Variants in PRDM2 observed in about 807,000 individuals in gnomAD.
The protein encoded by PRDM2 is PR/SET domain 2.
Under a neutral mutation model 130.0 loss-of-function variants are expected in PRDM2, and 30 were observed. The observed-to-expected ratio is 0.23, with a 90% CI of 0.17 to 0.31. PRDM2 has a LOEUF of 0.31. PRDM2 is among the 10% of genes least tolerant of loss of function. The probability of loss-of-function intolerance (pLI) is 1.00; values close to 1 mark genes in which losing one functional copy is unlikely to be tolerated. For synonymous variants in PRDM2, 871 were observed against 782.4 expected (o/e 1.11, Z -1.89); for missense variants, 2,011 against 2,108.4 (o/e 0.95, Z 0.90).
intron 1 of PRDM2, among the ~76,000 whole-genome samples, chr1:13,708,929 ATT>A (rs1642288473): frequency 6.6e-6 from 1 of 152,142 alleles, no homozygotes; most frequent in Admixed American, 6.5e-5. Flanking sequence ...TTTTCACTTT[ATT>A]TAATTTGGTA....
At position 13,798,400 on chromosome 1, in the gene PRDM2, A is replaced by G. The variant is rs146348914; in HGVS notation, c.5036+15569A>G. ...AGAAAAGGCTGGTGATAGCTAATTA[A>G]AATTAGTGTTACTGCCTCTGGGGAT... On this transcript the variant is annotated intron_variant, in intron 8 of 9. Coordinates refer to ENST00000311066, the MANE Select transcript of PRDM2 (RefSeq NM_001393986.1). Among the ~76,000 whole-genome samples, 1,098 of 152,330 alleles carry G rather than the reference A, an allele frequency of 7.2e-3. 2 individuals are homozygous for G. Among genetic ancestry groups the G allele is most frequent in the Non-Finnish European group, 0.012 (785 of 68,030 alleles).
intron 1 of PRDM2, among the ~76,000 whole-genome samples, chr1:13,709,385 T>C (rs975920871): frequency 5.3e-5 from 8 of 152,238 alleles, no homozygotes; most frequent in Non-Finnish European, 8.8e-5. Flanking sequence ...GTGGTAGTTT[T>C]CTATGACAAT....
intron 6 of PRDM2, among the ~76,000 whole-genome samples, chr1:13,763,606 A>G (rs1644155489): frequency 6.6e-6 from 1 of 152,216 alleles, no homozygotes; most frequent in Non-Finnish European, 1.5e-5. Flanking sequence ...GCTTTTTCCA[A>G]ATAGCACTTG....
intron 6 of PRDM2, 32 bp downstream of exon 6, chr1:13,749,519 C>T (rs1251253558): frequency 7.8e-7 from 1 of 1,283,158 alleles, no homozygotes; most frequent in Non-Finnish European, 1.0e-6. Context: ...CGCCCGGCCC[C>T]GGCGCCACGC....
intron 5 of PRDM2, among the ~76,000 whole-genome samples, chr1:13,743,153 G>A (rs1203629): frequency 0.25 from 37,915 of 151,828 alleles, 4,931 homozygotes; most frequent in South Asian, 0.35. Flanking sequence ...TAATCCCAGC[G>A]CTTTGGGAGG....
At position 13,779,282 on chromosome 1, in the gene PRDM2, C is replaced by G; in HGVS notation, c.1487C>G (p.Thr496Ser). 1 of 1,613,914 alleles carries G rather than the reference C, an allele frequency of 6.2e-7. No homozygotes were observed. The highest frequency in any genetic ancestry group is 8.5e-7 in the Non-Finnish European group (1 of 1,179,838). ...TGTAAAAAGGTTTTTGGAACTCATA[C>G]TAATATGAGACGGCATCAGCGTAGA... is the stretch of plus-strand genomic sequence containing the variant. Reference protein sequence around the residue: ...KYCKKVFGTHTNMRRHQRRVH... With the variant: ...KYCKKVFGTHSNMRRHQRRVH... The change falls in exon 8 of 10, where the codon ACT becomes AGT. Residue 496 changes from threonine to serine, a missense_variant. Physicochemically the swap from Thr to Ser is moderately conservative, Grantham distance 58. Coordinates refer to ENST00000311066, the MANE Select transcript of PRDM2 (RefSeq NM_001393986.1). This position sits in a 1 kb window ranked among gnomAD's most constrained non-coding sequence, Gnocchi z 4.9.
chr1:13,750,303 C>T (rs1185856075), intron 6 of PRDM2, among the ~76,000 whole-genome samples: 1 of 150,706 alleles, frequency 6.6e-6, no homozygotes, highest in Non-Finnish European at 1.5e-5. Flanking sequence ...GGGAATAGTT[C>T]ATAGATCCCA....
chr1:13,816,364 G>A (rs1570128858), intron 8 of PRDM2, 63 bp from the exon 9 acceptor site: 2 of 1,591,128 alleles, frequency 1.3e-6, no homozygotes, highest in African/African-American at 1.3e-5. Flanking sequence ...AGCCCCCCCA[G>A]CAATGTCTAG....
intron 2 of PRDM2, among the ~76,000 whole-genome samples, chr1:13,718,655 G>A (rs1168423283): frequency 6.6e-6 from 1 of 151,904 alleles, no homozygotes; most frequent in Non-Finnish European, 1.5e-5. Flanking sequence ...CTCTCAATTA[G>A]AGCCCAGCTT....
At chr1:13,792,921 A>T (rs1644864129) in intron 8 of PRDM2, among the ~76,000 whole-genome samples, 1 of 152,242 alleles carries the variant, frequency 6.6e-6, no homozygotes, top group South Asian at 2.1e-4. Context: ...TCCCATGGCT[A>T]CAAGTGGAGA....
chr1:13,750,342 G>A (rs1173283516), intron 6 of PRDM2, among the ~76,000 whole-genome samples: 1 of 151,426 alleles, frequency 6.6e-6, no homozygotes, highest in African/African-American at 2.4e-5. Context: ...GCACAGTATG[G>A]TTAGTTTCTT....
chr1:13,816,512 G>A lies in PRDM2; in HGVS notation c.5122G>A (p.Ala1708Thr), dbSNP rs1156789602. The change falls in exon 9 of 10, where the codon GCA becomes ACA. Residue 1708 changes from alanine (A) to threonine (T), a missense_variant. Coordinates refer to ENST00000311066, the MANE Select transcript of PRDM2 (RefSeq NM_001393986.1). ...GTATAGGAAGGTCAAAGCTCCAGCT[G>A]CAGCCCAGTTCCAGGGACCATTCTT... ...RQYRKVKAPA[A>T]AQFQGPFFKE 5 of 1,614,026 alleles carry A rather than the reference G, an allele frequency of 3.1e-6. No homozygotes were observed. The highest frequency in any genetic ancestry group is 4.2e-6 in the Non-Finnish European group (5 of 1,180,008).
At chr1:13,718,398 T>C (rs1031201721) in intron 2 of PRDM2, among the ~76,000 whole-genome samples, 1 of 152,206 alleles carries the variant, frequency 6.6e-6, no homozygotes, top group Non-Finnish European at 1.5e-5. Flanking sequence ...ATCATATTGT[T>C]TGTTATTGAT....
At position 13,780,784 on chromosome 1, in the gene PRDM2, G is replaced by A. The variant is rs779243755; in HGVS notation, c.2989G>A (p.Ala997Thr). The A allele has an allele frequency of 6.6e-7, 1 of 1,513,098 alleles. No individual in the cohort carries two copies. Among genetic ancestry groups the A allele is most frequent in the Admixed American group, 2.0e-5 (1 of 48,808 alleles). The allele number at this position is 1,513,098 out of a possible 1,614,324, so 93.7% of individuals were successfully genotyped here. Reference sequence around the variant, plus strand: ...CCTCCTTCCTACCGTACCTCTTCCAGCCCCCTCTTCCAGTGCATCTCCACA... The same window carrying A: ...CCTCCTTCCTACCGTACCTCTTCCAACCCCCTCTTCCAGTGCATCTCCACA... ...PPLLPTVPLP[A>T]PSSSASPHPC... Residue 997 changes from alanine to threonine, a missense_variant, in exon 8 of 10, where the codon GCC becomes ACC. Ala to Thr is a moderately conservative substitution (Grantham distance 58). This residue lies in a region of PRDM2 where 1,288 missense variants were observed against 1,237.7 expected (regional missense o/e 1.04). Coordinates refer to ENST00000311066, the MANE Select transcript of PRDM2 (RefSeq NM_001393986.1).
Position 13,778,591 on chromosome 1 carries a change from T to A in PRDM2, c.796T>A (p.Leu266Met), listed in dbSNP as rs752401389. Residue 266 changes from leucine (L) to methionine (M), a missense_variant, in exon 8 of 10, where the codon TTG becomes ATG. Around this residue, in one of 5 missense-constraint regions of PRDM2, gnomAD observed 1,288 missense variants for 1,237.7 expected, o/e 1.04. Transcript: ENST00000311066. Reference sequence around the variant, plus strand: ...AGCGGCAGCTTGTGAGGTGAATGATTTGGGGGAAGAGGAGGAGGAGGAAGA... The same window carrying A: ...AGCGGCAGCTTGTGAGGTGAATGATATGGGGGAAGAGGAGGAGGAGGAAGA... ...LEAAACEVNDLGEEEEEEEEE... is the reference protein window; with the variant it reads ...LEAAACEVNDMGEEEEEEEEE... The A allele has an allele frequency of 3.7e-6, 6 of 1,613,384 alleles. No individual in the cohort carries two copies. Among genetic ancestry groups the A allele is most frequent in the South Asian group, 2.2e-5 (2 of 91,028 alleles).
intron 2 of PRDM2, among the ~76,000 whole-genome samples, chr1:13,725,413 C>G (rs1007404175): frequency 2.6e-5 from 4 of 152,096 alleles, no homozygotes; most frequent in African/African-American, 9.7e-5. Flanking sequence ...CCATGTTGGC[C>G]AGGTTGGTCT....
chr1:13,705,439 A>G (rs1642178171), intron 1 of PRDM2: 1 of 152,016 alleles, frequency 6.6e-6, no homozygotes, highest in Non-Finnish European at 1.5e-5. Flanking sequence ...CTCCACTCTT[A>G]CAGAACTTGG....
intron 2 of PRDM2, among the ~76,000 whole-genome samples, chr1:13,726,475 T>C (rs1381693140): frequency 1.3e-5 from 2 of 152,116 alleles, no homozygotes; most frequent in Non-Finnish European, 2.9e-5. Context: ...GAGGAGGGGG[T>C]CCTAGCATGG....
intron 6 of PRDM2, among the ~76,000 whole-genome samples, chr1:13,765,997 C>CA (rs1644218409): frequency 6.6e-6 from 1 of 152,316 alleles, no homozygotes; most frequent in African/African-American, 2.4e-5. Flanking sequence ...GGCCTGCTGT[C>CA]ACGAAAGACA....
Sources: gnomAD v4.1 joint callset for allele counts (sites outside exome capture counted in the v4.1 genomes callset) on GRCh38, gnomAD v4.1.1 for gene constraint, gnomAD v4.1.1 regional missense constraint, Gnocchi (gnomAD v3.1) non-coding constraint, MANE v1.5 for transcripts, NCBI Gene and HGNC (gene_info 2026-07-23, HGNC 2026-07-21) for gene names.